The following BOLL variants were observed in gnomAD, a reference collection of about 807,000 sequenced individuals.
BOLL encodes the protein boule RNA binding protein.
A neutral mutation model predicts 44.4 loss-of-function variants in BOLL; 23 were observed. That is an observed-to-expected ratio of 0.52 (90% CI 0.37 to 0.73). BOLL has a LOEUF of 0.73. Among genes scored for constraint, BOLL ranks in the 30% least tolerant of loss-of-function variants. BOLL has a pLI of 0.00. For missense variants in BOLL, 287 were observed against 338.3 expected (o/e 0.85, Z 1.19); for synonymous variants, 97 against 110.8 (o/e 0.88, Z 0.78).
chr2:197,761,222 G>C (rs1688741843), intron 7 of BOLL, among the ~76,000 whole-genome samples: 1 of 152,026 alleles, frequency 6.6e-6, no homozygotes, highest in Non-Finnish European at 1.5e-5. Context: ...AGGTGGGAGG[G>C]ATTACTTGAG....
At chr2:197,775,861 C>A in intron 4 of BOLL, 121 bp from the exon 5 acceptor site, 1 of 528,278 alleles carries the variant, frequency 1.9e-6, no homozygotes, top group Non-Finnish European at 3.1e-6. Context: ...TTCAAAGCAG[C>A]AAGGAATAGT....
chr2:197,778,675 A>G (rs547039535), intron 3 of BOLL, among the ~76,000 whole-genome samples: 1 of 151,778 alleles, frequency 6.6e-6, no homozygotes, highest in African/African-American at 2.4e-5. Context: ...TTTGCTTCTC[A>G]TTCCTCAGCT....
At chr2:197,786,178 C>T, upstream of BOLL, 2 of 921,480 alleles carry the variant, frequency 2.2e-6, no homozygotes, top group Non-Finnish European at 3.0e-6. This position sits in a 1 kb window ranked among gnomAD's most constrained non-coding sequence, Gnocchi z 5.9. Flanking sequence ...CTGAACCTGC[C>T]ACCTGGCGGG....
rs777304273 is a variant in BOLL, at chr2:197,728,505, G to C, written c.*50C>G. The C allele has an allele frequency of 6.2e-7, 1 of 1,614,040 alleles. No individual in the cohort carries two copies. Among genetic ancestry groups the C allele is most frequent in the Non-Finnish European group, 8.5e-7 (1 of 1,179,936 alleles). On this transcript the variant is annotated 3_prime_UTR_variant, in exon 11 of 11. Coordinates refer to ENST00000392296, the MANE Select transcript of BOLL (RefSeq NM_033030.6). ...TGAAGCTGGATCTCGGCCACGCAAG[G>C]ATCATTGGACAAGAAATCAGTTGAG...
rs1218207053 is a variant in BOLL at position 197,759,526 on chromosome 2, G to C, written c.553-2126C>G. On this transcript the variant is annotated intron_variant, in intron 7 of 10. Coordinates refer to ENST00000392296, the MANE Select transcript of BOLL (RefSeq NM_033030.6). Reference sequence around the variant, plus strand: ...CATCTTGAAGCCATAGTCATCTCTAGGGGGCCAGTAGCTATTGCACGTCTC... The same window carrying C: ...CATCTTGAAGCCATAGTCATCTCTACGGGGCCAGTAGCTATTGCACGTCTC... 2.0e-5 allele frequency among the ~76,000 whole-genome samples: 3 copies of C among 152,132 alleles called. No individual in the cohort carries two copies. In the East Asian group the frequency reaches 5.8e-4, roughly 29 times the overall value.
chr2:197,777,016 C>T, intron 4 of BOLL, 43 bp downstream of exon 4: 2 of 1,444,086 alleles, frequency 1.4e-6, no homozygotes, highest in Non-Finnish European at 9.5e-7. Context: ...GTTTCAAATA[C>T]AAAATTTCCA....
chr2:197,767,872 T>C (rs1024702315), intron 6 of BOLL, among the ~76,000 whole-genome samples: 1 of 152,022 alleles, frequency 6.6e-6, no homozygotes, highest in African/African-American at 2.4e-5. Context: ...TAAAGTTTAA[T>C]GGTGAATCAC....
intron 10 of BOLL, among the ~76,000 whole-genome samples, chr2:197,738,627 C>T (rs1281853183): frequency 6.6e-6 from 1 of 152,118 alleles, no homozygotes; most frequent in Non-Finnish European, 1.5e-5. Flanking sequence ...AGATTTGTTG[C>T]TTCAAGATAA....
chr2:197,778,834 G>A (rs2106389472), intron 3 of BOLL, 141 bp downstream of exon 3: 2 of 605,538 alleles, frequency 3.3e-6, no homozygotes, highest in East Asian at 5.8e-5. Context: ...ACACACACAA[G>A]GAAATCAAAA....
chr2:197,741,636 C>T, intron 10 of BOLL, among the ~76,000 whole-genome samples: 1 of 152,054 alleles, frequency 6.6e-6, no homozygotes. Context: ...TGGATCCCTT[C>T]CTTACACCTT....
chr2:197,729,691 C>A (rs1431375016), intron 10 of BOLL, among the ~76,000 whole-genome samples: 3 of 152,314 alleles, frequency 2.0e-5, no homozygotes, highest in South Asian at 4.1e-4. Flanking sequence ...AGGCACCCCC[C>A]ACCAGGGGCA....
Position 197,785,200 on chromosome 2 carries a change from A to C in BOLL, c.-160T>G. The C allele has an allele frequency of 1.0e-6, 1 of 985,720 alleles. No individual in the cohort carries two copies. The highest frequency in any genetic ancestry group is 1.2e-6 in the Non-Finnish European group (1 of 829,860). 61.1% of individuals were successfully genotyped at this position (985,720 alleles called of 1,614,324 possible). ...CGAAACGAGGATCCACCCCCTCCCC[A>C]CCAAAGTGCGGGAGGGAAAAGAAGG... On this transcript the variant is annotated 5_prime_UTR_variant, in exon 1 of 11. Transcript: ENST00000392296. This position sits in a 1 kb window ranked among gnomAD's most constrained non-coding sequence, Gnocchi z 6.7.
intron 9 of BOLL, among the ~76,000 whole-genome samples, chr2:197,747,227 C>A (rs1400370806): frequency 6.6e-6 from 1 of 151,826 alleles, no homozygotes; most frequent in African/African-American, 2.4e-5. Context: ...AAATGTATAC[C>A]ATTTGTCGTT....
chr2:197,741,431 C>G (rs547556713), intron 10 of BOLL, among the ~76,000 whole-genome samples: 2 of 152,036 alleles, frequency 1.3e-5, no homozygotes, highest in Non-Finnish European at 2.9e-5. Context: ...GCTACAGTAA[C>G]CAAAACAGCA....
chr2:197,769,112 C>T (rs926867285), intron 6 of BOLL, among the ~76,000 whole-genome samples: 1 of 151,896 alleles, frequency 6.6e-6, no homozygotes, highest in African/African-American at 2.4e-5. Context: ...GGATATTGGT[C>T]TAAAATTCTC....
chr2:197,785,326 C>A, upstream of BOLL: 1 of 985,800 alleles, frequency 1.0e-6, no homozygotes, highest in Non-Finnish European at 1.2e-6. This position sits in a 1 kb window ranked among gnomAD's most constrained non-coding sequence, Gnocchi z 6.7. Flanking sequence ...AGCTGGTCCC[C>A]ACCCTCGCGC....
At chr2:197,736,594 G>A (rs1687505648) in intron 10 of BOLL, among the ~76,000 whole-genome samples, 1 of 152,116 alleles carries the variant, frequency 6.6e-6, no homozygotes, top group South Asian at 2.1e-4. Context: ...TTCTGTAAGT[G>A]TAAAATTATT....
At chr2:197,741,932 A>G (rs972440728) in intron 10 of BOLL, among the ~76,000 whole-genome samples, 2 of 152,230 alleles carry the variant, frequency 1.3e-5, no homozygotes, top group African/African-American at 4.8e-5. Context: ...GGATATCTCT[A>G]ATATCCAGAA....
intron 8 of BOLL, among the ~76,000 whole-genome samples, chr2:197,756,796 C>A (rs924393308): frequency 7.9e-5 from 12 of 152,008 alleles, no homozygotes; most frequent in Non-Finnish European, 1.6e-4. Context: ...TGACTGAGAA[C>A]CTCATATATA....
Sources: allele counts gnomAD v4.1 joint callset (sites outside exome capture counted in the v4.1 genomes callset), GRCh38; gene constraint gnomAD v4.1.1; non-coding constraint Gnocchi (gnomAD v3.1); transcripts MANE v1.5; gene names NCBI Gene and HGNC (gene_info 2026-07-23, HGNC 2026-07-21).